PRELID2: variants seen among roughly 807,000 people sequenced by gnomAD.
PRELID2 encodes the protein PRELI domain-containing protein 2.
In PRELID2, 25 loss-of-function variants were observed where a neutral mutation model predicts 28.4. The observed-to-expected ratio is 0.88, with a 90% confidence interval of 0.64 to 1.23. PRELID2 has a LOEUF of 1.23. Ranked by LOEUF, PRELID2 falls within the 50% of genes most tolerant of loss-of-function variation. The probability of loss-of-function intolerance (pLI) is 0.00; values close to 1 mark genes in which losing one functional copy is unlikely to be tolerated. For synonymous variants in PRELID2, 76 were observed against 71.6 expected (o/e 1.06, Z -0.31); for missense variants, 201 against 214.4 (o/e 0.94, Z 0.39).
the PRELID2 span, among the ~76,000 whole-genome samples, chr5:145,328,172 T>C: frequency 6.6e-6 from 1 of 152,210 alleles, no homozygotes; most frequent in Non-Finnish European, 1.5e-5. Context: ...ATTTTCTTTA[T>C]CCAGTCTATC....
intron 1 of PRELID2, among the ~76,000 whole-genome samples, chr5:145,485,837 G>T (rs1752212523): frequency 6.6e-6 from 1 of 152,120 alleles, no homozygotes; most frequent in African/African-American, 2.4e-5. Context: ...CAAATGCAAA[G>T]AACTTCATTT....
chr5:145,456,897 G>T, the PRELID2 span, among the ~76,000 whole-genome samples: 1 of 152,182 alleles, frequency 6.6e-6, no homozygotes, highest in Non-Finnish European at 1.5e-5. Flanking sequence ...CATTCAAAGA[G>T]AATTAGTGAC....
chr5:145,570,364 A>G (rs1325166105), intron 1 of PRELID2, among the ~76,000 whole-genome samples: 1 of 152,124 alleles, frequency 6.6e-6, no homozygotes, highest in African/African-American at 2.4e-5. Context: ...CCTATGGGAT[A>G]TTTTCACAAA....
At chr5:145,430,342 TA>T in the PRELID2 span, among the ~76,000 whole-genome samples, 3 of 152,296 alleles carry the variant, frequency 2.0e-5, no homozygotes, top group South Asian at 6.2e-4. Flanking sequence ...TGGCTTTGTA[TA>T]AAAAAGATTT....
chr5:145,772,420 T>G (rs1017151851), intron 5 of PRELID2, among the ~76,000 whole-genome samples: 9 of 152,112 alleles, frequency 5.9e-5, no homozygotes, highest in Admixed American at 4.6e-4. Flanking sequence ...CAGAATACTA[T>G]AGGCTGAGTG....
At chr5:145,339,203 G>A in the PRELID2 span, among the ~76,000 whole-genome samples, 3 of 152,176 alleles carry the variant, frequency 2.0e-5, no homozygotes, top group Non-Finnish European at 4.4e-5. Flanking sequence ...GTAGTAAGTA[G>A]ATATTCACAC....
chr5:145,561,447 C>T (rs1752924797), intron 1 of PRELID2, among the ~76,000 whole-genome samples: 1 of 152,006 alleles, frequency 6.6e-6, no homozygotes, highest in Non-Finnish European at 1.5e-5. Flanking sequence ...TCTAGATACA[C>T]CAGTGAAAAT....
intron 1 of PRELID2, among the ~76,000 whole-genome samples, chr5:145,644,987 T>C (rs572744814): frequency 4.6e-5 from 7 of 152,330 alleles, no homozygotes; most frequent in African/African-American, 1.4e-4. Context: ...AGAATGTATA[T>C]TCTGTTGATT....
the PRELID2 span, among the ~76,000 whole-genome samples, chr5:145,262,304 G>A: frequency 2.6e-5 from 4 of 151,786 alleles, no homozygotes; most frequent in Non-Finnish European, 5.9e-5. Context: ...TTCCTAGAGA[G>A]CTAGACATCC....
intron 1 of PRELID2, among the ~76,000 whole-genome samples, chr5:145,529,821 T>G (rs1390532706): frequency 6.6e-6 from 1 of 152,182 alleles, no homozygotes; most frequent in Non-Finnish European, 1.5e-5. Flanking sequence ...AGCCCTGAAG[T>G]CTATGTTAGT....
At chr5:145,346,370 G>T in the PRELID2 span, among the ~76,000 whole-genome samples, 1 of 152,082 alleles carries the variant, frequency 6.6e-6, no homozygotes, top group Non-Finnish European at 1.5e-5. Flanking sequence ...AGCACTGATA[G>T]CTTCTACTCA....
chr5:145,284,768 T>A, the PRELID2 span, among the ~76,000 whole-genome samples: 3 of 152,146 alleles, frequency 2.0e-5, no homozygotes. Context: ...CTGGTTTGGA[T>A]TCTGCTAATA....
the PRELID2 span, among the ~76,000 whole-genome samples, chr5:145,300,081 A>T: frequency 6.6e-6 from 1 of 152,082 alleles, no homozygotes; most frequent in East Asian, 1.9e-4. Flanking sequence ...ACATTGTCCC[A>T]TCTTCACTGC....
At chr5:145,323,186 A>C in the PRELID2 span, among the ~76,000 whole-genome samples, 1 of 152,090 alleles carries the variant, frequency 6.6e-6, no homozygotes, top group Non-Finnish European at 1.5e-5. Context: ...GGGGAAAAAA[A>C]AAAAAATATG....
intron 5 of PRELID2, chr5:145,795,715 T>C (rs1268756972): frequency 6.6e-6 from 1 of 152,162 alleles, no homozygotes; most frequent in Non-Finnish European, 1.5e-5. Flanking sequence ...AACTGCTTTA[T>C]ACTGAGCACT....
chr5:145,390,883 C>A, the PRELID2 span, among the ~76,000 whole-genome samples: 1 of 152,130 alleles, frequency 6.6e-6, no homozygotes, highest in Non-Finnish European at 1.5e-5. Flanking sequence ...GAGAAATTAG[C>A]CAAAACAAAA....
the PRELID2 span, among the ~76,000 whole-genome samples, chr5:145,332,325 T>C: frequency 1.6e-4 from 24 of 152,220 alleles, no homozygotes; most frequent in African/African-American, 5.8e-4. Flanking sequence ...CTGGCTAGGC[T>C]GGGGAAGTTC....
At chr5:145,322,886 T>A in the PRELID2 span, among the ~76,000 whole-genome samples, 1 of 151,930 alleles carries the variant, frequency 6.6e-6, no homozygotes, top group Non-Finnish European at 1.5e-5. Flanking sequence ...GAGGCTGAGG[T>A]AGCAGAATTG....
chr5:145,765,856 G>A (rs1335726416), intron 5 of PRELID2, among the ~76,000 whole-genome samples: 4 of 152,012 alleles, frequency 2.6e-5, no homozygotes, highest in Non-Finnish European at 5.9e-5. Context: ...TTACTGACGA[G>A]GAAACAGAAA....
Sources: allele counts gnomAD v4.1 joint callset (sites outside exome capture counted in the v4.1 genomes callset), GRCh38; gene constraint gnomAD v4.1.1; transcripts MANE v1.5; gene names NCBI Gene and HGNC (gene_info 2026-07-23, HGNC 2026-07-21).